Variants in NEXN observed in about 807,000 individuals in gnomAD.
NEXN encodes nexilin.
In NEXN, 65 loss-of-function variants were observed where a neutral mutation model predicts 92.6. The observed-to-expected ratio is 0.70, with a 90% confidence interval of 0.57 to 0.86. The LOEUF (loss-of-function observed/expected upper bound fraction) is 0.86, where lower values mean the gene tolerates loss of function less well. NEXN is among the 40% of genes least tolerant of loss of function. The probability of loss-of-function intolerance (pLI) is 0.00; values close to 1 mark genes in which losing one functional copy is unlikely to be tolerated. For missense variants in NEXN, 778 were observed against 771.1 expected, an observed-to-expected ratio of 1.01 and a Z score of -0.11; for synonymous variants, 254 against 242.5, an observed-to-expected ratio of 1.05 and a Z score of -0.44.
In NEXN at chr1:77,933,291, G is replaced by C. The variant is rs1553239999; in HGVS notation, c.1063G>C (p.Asp355His). The change falls in exon 10 of 13, where the codon GAT becomes CAT. Residue 355 changes from aspartate (D) to histidine (H), a missense_variant. Transcript: ENST00000334785. Reference protein sequence around the residue: ...AEARRNMVVDDDSPEMYKTIS... With the variant: ...AEARRNMVVDHDSPEMYKTIS... The stretch of plus-strand genomic sequence containing the variant: ...TAATTATTTTAAATAGGTAGTAGAT[G>C]ATGACTCCCCAGAGATGTATAAGAC... The C allele has an allele frequency of 2.5e-6, 4 of 1,588,564 alleles. No individual in the cohort carries two copies. The highest frequency in any genetic ancestry group is 2.6e-6 in the Non-Finnish European group (3 of 1,158,936).
intron 3 of NEXN, 64 bp from the exon 4 acceptor site, chr1:77,917,896 G>T: frequency 6.8e-7 from 1 of 1,475,408 alleles, no homozygotes; most frequent in Non-Finnish European, 9.5e-7. Flanking sequence ...TTTAAACTCT[G>T]CATATAATGT....
At chr1:77,892,513 C>A (rs1404259186) in intron 1 of NEXN, among the ~76,000 whole-genome samples, 2 of 152,204 alleles carry the variant, frequency 1.3e-5, no homozygotes, top group African/African-American at 4.8e-5. Context: ...CATTACCTTA[C>A]ATTACATTTA....
intron 1 of NEXN, chr1:77,889,243 G>T (rs1223469933): frequency 6.6e-6 from 1 of 152,534 alleles, no homozygotes; most frequent in African/African-American, 2.4e-5. Flanking sequence ...AGCAGTGCCA[G>T]TTAAGAAATC....
intron 7 of NEXN, 29 bp downstream of exon 7, chr1:77,926,640 AAAC>A: frequency 6.2e-7 from 1 of 1,613,936 alleles, no homozygotes; most frequent in East Asian, 2.2e-5. Flanking sequence ...GTTTTCTAAG[AAAC>A]AAATCAAGGC....
intron 5 of NEXN, among the ~76,000 whole-genome samples, chr1:77,919,412 C>T (rs1040372423): frequency 2.0e-5 from 3 of 152,080 alleles, no homozygotes; most frequent in Admixed American, 6.5e-5. Flanking sequence ...AGAAAAGTGA[C>T]GATGAAAGCA....
At chr1:77,933,536 T>A in intron 10 of NEXN, 57 bp downstream of exon 10, 1 of 1,162,032 alleles carries the variant, frequency 8.6e-7, no homozygotes, top group Non-Finnish European at 1.3e-6. Context: ...ATATTTTACT[T>A]ATATCACCTT....
intron 1 of NEXN, among the ~76,000 whole-genome samples, chr1:77,890,105 G>T (rs1049159905): frequency 1.3e-5 from 2 of 152,180 alleles, no homozygotes; most frequent in African/African-American, 4.8e-5. Flanking sequence ...AGGTTTTTTG[G>T]GGGGAGGTAT....
intron 5 of NEXN, among the ~76,000 whole-genome samples, chr1:77,921,298 T>C (rs369666403): frequency 1.3e-5 from 2 of 152,018 alleles, no homozygotes; most frequent in South Asian, 2.1e-4. Context: ...ATCAGGCCAC[T>C]GCACCAAAAC....
At chr1:77,919,788 C>T (rs564690214) in intron 5 of NEXN, among the ~76,000 whole-genome samples, 58 of 152,048 alleles carry the variant, frequency 3.8e-4, no homozygotes, top group African/African-American at 1.1e-3. Context: ...TTAGTGGAGA[C>T]GGGGTTTCGC....
At chr1:77,908,218 C>T (rs1648278273) in intron 1 of NEXN, among the ~76,000 whole-genome samples, 1 of 152,056 alleles carries the variant, frequency 6.6e-6, no homozygotes, top group Non-Finnish European at 1.5e-5. Context: ...GCTGGGACTA[C>T]AAGCATGTGC....
chr1:77,937,212 G>A (rs1650839275), intron 11 of NEXN, among the ~76,000 whole-genome samples: 1 of 152,150 alleles, frequency 6.6e-6, no homozygotes, highest in East Asian at 1.9e-4. Context: ...GCTGAGGTGG[G>A]AGGACTGATT....
chr1:77,941,570 G>A (rs1651312012), intron 11 of NEXN: 2 of 167,278 alleles, frequency 1.2e-5, no homozygotes, highest in Admixed American at 1.1e-4. Flanking sequence ...ACATTATTTG[G>A]AGGGAATTCA....
intron 1 of NEXN, among the ~76,000 whole-genome samples, chr1:77,911,891 C>T (rs1356652181): frequency 6.6e-6 from 1 of 151,628 alleles, no homozygotes; most frequent in Admixed American, 6.6e-5. Context: ...CCAGCCTGAC[C>T]AACATGGTGA....
intron 1 of NEXN, among the ~76,000 whole-genome samples, chr1:77,913,064 A>C (rs1450681118): frequency 6.6e-6 from 1 of 152,244 alleles, no homozygotes; most frequent in African/African-American, 2.4e-5. Context: ...CTGTTATCCA[A>C]AATACACAAA....
intron 11 of NEXN, among the ~76,000 whole-genome samples, chr1:77,939,421 T>C (rs1421379381): frequency 6.6e-6 from 1 of 152,144 alleles, no homozygotes; most frequent in Non-Finnish European, 1.5e-5. Flanking sequence ...TGAAAGTGAA[T>C]TAAGCCCTGG....
At chr1:77,914,412 ACT>A (rs1170683757) in intron 1 of NEXN, among the ~76,000 whole-genome samples, 2 of 152,106 alleles carry the variant, frequency 1.3e-5, no homozygotes, top group African/African-American at 4.8e-5. Context: ...CCTAAAATAA[ACT>A]CTATTAAAAA....
At chr1:77,902,832 A>C (rs906376398) in intron 1 of NEXN, among the ~76,000 whole-genome samples, 2 of 152,226 alleles carry the variant, frequency 1.3e-5, no homozygotes, top group African/African-American at 4.8e-5. Context: ...TCAGAGACTG[A>C]AGGAGAAAAA....
intron 1 of NEXN, chr1:77,889,418 T>G (rs1452622834): frequency 7.0e-6 from 1 of 142,562 alleles, no homozygotes; most frequent in Non-Finnish European, 1.5e-5. Flanking sequence ...CAACTAGGGC[T>G]GGAAGTTTAC....
Position 77,943,064 on chromosome 1 carries a change from C to A in NEXN, c.*235C>A. Reference sequence around the variant, plus strand: ...TAACAGTCTTCAAAGCACAGCTCATCTAAAGAATGCCTACTTCTTTTCCAA... The same window carrying A: ...TAACAGTCTTCAAAGCACAGCTCATATAAAGAATGCCTACTTCTTTTCCAA... On this transcript the variant is annotated 3_prime_UTR_variant, in exon 13 of 13. Coordinates refer to ENST00000334785, the MANE Select transcript of NEXN (RefSeq NM_144573.4). 1.9e-6 allele frequency: 1 copy of A among 518,796 alleles called. No homozygotes were observed. Among genetic ancestry groups the A allele is most frequent in the South Asian group, 1.8e-5 (1 of 55,464 alleles). The allele number at this position is 518,796 out of a possible 1,614,324, so 32.1% of individuals were successfully genotyped here.
Sources: allele counts gnomAD v4.1 joint callset (sites outside exome capture counted in the v4.1 genomes callset), GRCh38; gene constraint gnomAD v4.1.1; transcripts MANE v1.5; gene names NCBI Gene and HGNC (gene_info 2026-07-23, HGNC 2026-07-21).